RASGRP2: variants seen among roughly 807,000 people sequenced by gnomAD.
The protein encoded by RASGRP2 is RAS guanyl releasing protein 2.
RASGRP2 carries 44 observed loss-of-function variants against 71.0 expected under a neutral mutation model. The observed-to-expected ratio is 0.62, with a 90% CI of 0.49 to 0.80. The LOEUF (loss-of-function observed/expected upper bound fraction) is 0.80, where lower values mean the gene tolerates loss of function less well. Ranked by LOEUF, RASGRP2 falls within the 30% of genes least tolerant of loss-of-function variation. The pLI, the probability that RASGRP2 is intolerant of heterozygous loss-of-function variation, is 0.00. For synonymous variants in RASGRP2, 350 were observed against 330.7 expected, an observed-to-expected ratio of 1.06 and a Z score of -0.63; for missense variants, 663 against 813.4, an observed-to-expected ratio of 0.82 and a Z score of 2.25.
intron 8 of RASGRP2, chr11:64,737,327 G>A: frequency 2.2e-6 from 1 of 457,448 alleles, no homozygotes; most frequent in South Asian, 2.2e-5. Context: ...AGGCAGCACA[G>A]GACAATGACC....
chr11:64,731,127 CGGG>C (rs2057752355), intron 12 of RASGRP2, among the ~76,000 whole-genome samples: 1 of 152,166 alleles, frequency 6.6e-6, no homozygotes, highest in Non-Finnish European at 1.5e-5. Context: ...GAGGCCAAGG[CGGG>C]TGGATCACGA....
At chr11:64,734,329 T>A (rs934917924) in intron 12 of RASGRP2, among the ~76,000 whole-genome samples, 2 of 151,432 alleles carry the variant, frequency 1.3e-5, no homozygotes, top group Non-Finnish European at 2.9e-5. Context: ...ATAATAATAA[T>A]TTTTGTAGAG....
At chr11:64,731,349 C>A (rs548814844) in intron 12 of RASGRP2, among the ~76,000 whole-genome samples, 1 of 149,802 alleles carries the variant, frequency 6.7e-6, no homozygotes, top group South Asian at 2.1e-4. Flanking sequence ...TGGCAAGACA[C>A]CCTGTCTCAG....
In RASGRP2 at chr11:64,739,334, A is replaced by T; in HGVS notation, c.813+26T>A. ...CCCAGTGAAGACAGACCTGGGAAGC[A>T]CCGGCCCCTCCCCAGTCCCAGGCAC... On this transcript the variant is annotated intron_variant, in intron 8 of 16. Coordinates refer to ENST00000394432, the MANE Select transcript of RASGRP2 (RefSeq NM_001098671.2). The surrounding 1 kb of genome is among the most constrained non-coding windows in gnomAD (Gnocchi z 4.2). 6.4e-7 allele frequency: 1 copy of T among 1,572,898 alleles called. No individual in the cohort carries two copies. The highest frequency in any genetic ancestry group is 1.3e-5 in the African/African-American group (1 of 74,182).
At chr11:64,741,332 T>C in intron 4 of RASGRP2, 107 bp downstream of exon 4, 1 of 1,307,628 alleles carries the variant, frequency 7.6e-7, no homozygotes, top group South Asian at 1.3e-5. Flanking sequence ...CAAGCCAGGG[T>C]TCAAACCCAC....
intron 12 of RASGRP2, 86 bp from the exon 13 acceptor site, chr11:64,730,280 TCCTCATGGAACTCCTGA>T: frequency 6.6e-7 from 1 of 1,508,758 alleles, no homozygotes; most frequent in Non-Finnish European, 9.0e-7. Flanking sequence ...GTTCCCAGTG[TCCTCATGGAACTCCTGA>T]TTTTGGACTC....
rs143814185 is a variant in RASGRP2 at position 64,739,975 on chromosome 11, C to T, written c.522+38G>A. 6.1e-5 allele frequency: 99 copies of T among 1,613,870 alleles called. No homozygotes were observed. In the East Asian group the frequency reaches 2.2e-3, roughly 35 times the overall value. The stretch of plus-strand genomic sequence containing the variant: ...CCCCTCCTAGAACTCTCTTCCAGCC[C>T]ACATTGGACCCCTGACCCCCCAGCC... On this transcript the variant is annotated intron_variant, in intron 6 of 16. Coordinates refer to ENST00000394432, the MANE Select transcript of RASGRP2 (RefSeq NM_001098671.2). This position sits in a 1 kb window ranked among gnomAD's most constrained non-coding sequence, Gnocchi z 4.2.
At chr11:64,740,898 G>A (rs1284422502) in intron 5 of RASGRP2, 50 bp downstream of exon 5, 6 of 1,605,960 alleles carry the variant, frequency 3.7e-6, no homozygotes, top group South Asian at 1.1e-5. Context: ...AAGCACAGAT[G>A]GTATAGGATA....
At chr11:64,737,325 C>T in intron 8 of RASGRP2, 1 of 465,090 alleles carries the variant, frequency 2.2e-6, no homozygotes, top group South Asian at 2.1e-5. Context: ...CAAGGCAGCA[C>T]AGGACAATGA....
chr11:64,735,864 A>C lies in RASGRP2; in HGVS notation c.1173+39T>G, dbSNP rs1177150076. On this transcript the variant is annotated intron_variant, in intron 10 of 16. Coordinates refer to ENST00000394432, the MANE Select transcript of RASGRP2 (RefSeq NM_001098671.2). This position sits in a 1 kb window ranked among gnomAD's most constrained non-coding sequence, Gnocchi z 4.2. ...ATCCTCACATCCTGGGATTCTCAGG[A>C]GGGAAGGGCAGAGTGGAGAGGAGGG... 6.3e-7 allele frequency: 1 copy of C among 1,590,756 alleles called. No homozygotes were observed. Among genetic ancestry groups the C allele is most frequent in the Admixed American group, 1.7e-5 (1 of 58,768 alleles).
In RASGRP2 at chr11:64,739,628, G is replaced by A; in HGVS notation, c.696+8C>T. 1.2e-6 allele frequency: 2 copies of A among 1,612,958 alleles called. No individual in the cohort carries two copies. The highest frequency in any genetic ancestry group is 1.1e-5 in the South Asian group (1 of 91,064). ...GGTTGGGAGACACCGGGAGGGAGGG[G>A]CAGGCACCTCCGCCACGTGGACAAA... On this transcript the variant is annotated splice_region_variant and intron_variant, in intron 7 of 16. Transcript: ENST00000394432. This position sits in a 1 kb window ranked among gnomAD's most constrained non-coding sequence, Gnocchi z 4.2.
At chr11:64,741,605 G>C (rs2058125585) in intron 3 of RASGRP2, 104 bp from the exon 4 acceptor site, 5 of 1,042,604 alleles carry the variant, frequency 4.8e-6, no homozygotes, top group East Asian at 2.6e-5. Context: ...TCTAGGGATG[G>C]GGCTTGCGCT....
chr11:64,729,645 C>T (rs935739720), intron 14 of RASGRP2, 117 bp downstream of exon 14: 2 of 1,325,210 alleles, frequency 1.5e-6, no homozygotes, highest in Non-Finnish European at 2.2e-6. Flanking sequence ...CCATGCGCCT[C>T]TGATTTTAAG....
chr11:64,736,633 C>A (rs1032164606), intron 9 of RASGRP2, 120 bp downstream of exon 9: 5 of 1,152,574 alleles, frequency 4.3e-6, no homozygotes, highest in East Asian at 5.1e-5. Flanking sequence ...CCAGAGCCCA[C>A]GCTAGATCTC....
rs975937332 is a variant in RASGRP2, at chr11:64,735,770, C to T, written c.1174-106G>A. ...GGAGAGGGAAGTCTGCCCAACACTA[C>T]TGCCCTACCCCCAGGATGCCTCTGT... is the stretch of plus-strand genomic sequence containing the variant. On this transcript the variant is annotated intron_variant, in intron 10 of 16. Transcript: ENST00000394432. The surrounding 1 kb of genome is among the most constrained non-coding windows in gnomAD (Gnocchi z 4.2). 1 of 1,495,436 alleles carries T rather than the reference C, an allele frequency of 6.7e-7. No homozygotes were observed. Among genetic ancestry groups the T allele is most frequent in the Non-Finnish European group, 9.1e-7 (1 of 1,096,880 alleles). 92.6% of individuals were successfully genotyped at this position (1,495,436 alleles called of 1,614,324 possible).
upstream of RASGRP2, chr11:64,744,915 C>G (rs961289063): frequency 2.0e-5 from 3 of 147,144 alleles, no homozygotes; most frequent in African/African-American, 7.4e-5. Flanking sequence ...CCCTCCGCCC[C>G]TGCGCGGAGC....
Position 64,727,062 on chromosome 11 carries a change from A to C in RASGRP2, c.*76T>G, listed in dbSNP as rs2057586061. The stretch of plus-strand genomic sequence containing the variant: ...CCCATCCCCAGCCTCCTGCCCCGAC[A>C]CCCCCAGGCTCCCTGCTCTGGTTGA... On this transcript the variant is annotated 3_prime_UTR_variant, in exon 17 of 17. Coordinates refer to ENST00000394432, the MANE Select transcript of RASGRP2 (RefSeq NM_001098671.2). 21 of 362,244 alleles carry C rather than the reference A, an allele frequency of 5.8e-5. No homozygotes were observed. The highest frequency in any genetic ancestry group is 9.5e-5 in the Non-Finnish European group (18 of 188,698). 22.4% of individuals were successfully genotyped at this position (362,244 alleles called of 1,614,324 possible). A position where few individuals can be genotyped will look rare whatever the true frequency, so the allele number is the denominator to read the frequency against.
chr11:64,729,095 C>T, intron 14 of RASGRP2, 53 bp from the exon 15 acceptor site: 1 of 1,523,592 alleles, frequency 6.6e-7, no homozygotes, highest in African/African-American at 1.4e-5. Context: ...GAATACCCTC[C>T]ATCCCATCCC....
At chr11:64,736,019 C>A (rs376723710) in intron 9 of RASGRP2, 39 bp from the exon 10 acceptor site, 18 of 1,574,986 alleles carry the variant, frequency 1.1e-5, no homozygotes, top group Non-Finnish European at 1.6e-5. Flanking sequence ...CTGGCCCCTG[C>A]CCACAGCCAC....
Sources: gnomAD v4.1 joint callset for allele counts (sites outside exome capture counted in the v4.1 genomes callset) on GRCh38, gnomAD v4.1.1 for gene constraint, Gnocchi (gnomAD v3.1) non-coding constraint, MANE v1.5 for transcripts, NCBI Gene and HGNC (gene_info 2026-07-23, HGNC 2026-07-21) for gene names.